The following EYS variants were observed in gnomAD, a reference collection of about 807,000 sequenced individuals.
EYS encodes protein eyes shut homolog.
In EYS, 250 loss-of-function variants were observed where a neutral mutation model predicts 282.1. The observed-to-expected ratio is 0.89, with a 90% confidence interval of 0.80 to 0.98. The LOEUF (loss-of-function observed/expected upper bound fraction) is 0.98. EYS is among the 50% of genes least tolerant of loss of function. EYS has a pLI of 0.00. For synonymous variants in EYS, 1,355 were observed against 1,282.9 expected, an observed-to-expected ratio of 1.06 and a Z score of -1.20; for missense variants, 4,016 against 3,709.0, an observed-to-expected ratio of 1.08 and a Z score of -2.15.
chr6:65,070,379 C>T (rs193232364), intron 12 of EYS, among the ~76,000 whole-genome samples: 6 of 151,988 alleles, frequency 3.9e-5, no homozygotes, highest in Non-Finnish European at 5.9e-5. Context: ...CCTTGTTAGG[C>T]CTCTACCTTA....
chr6:64,210,726 C>A (rs1196033816), intron 31 of EYS, among the ~76,000 whole-genome samples: 1 of 151,992 alleles, frequency 6.6e-6, no homozygotes, highest in African/African-American at 2.4e-5. Flanking sequence ...ACCTAGAGAG[C>A]TGGTAAAGTG....
intron 35 of EYS, among the ~76,000 whole-genome samples, chr6:63,937,917 T>A (rs868082955): frequency 2.8e-4 from 42 of 152,370 alleles, no homozygotes; most frequent in Middle Eastern, 3.4e-3. Context: ...GACACCACTT[T>A]CTGAATTTAA....
chr6:63,904,332 T>C (rs1356018399), intron 35 of EYS, among the ~76,000 whole-genome samples: 2 of 151,586 alleles, frequency 1.3e-5, no homozygotes, highest in African/African-American at 4.8e-5. Flanking sequence ...TTACCCAACC[T>C]TTTTTTTTCT....
chr6:65,208,576 A>G (rs1422927589), intron 12 of EYS, among the ~76,000 whole-genome samples: 1 of 151,946 alleles, frequency 6.6e-6, no homozygotes, highest in Non-Finnish European at 1.5e-5. Flanking sequence ...GGTTGATTGG[A>G]TAAAGAAAAT....
chr6:64,049,794 C>T (rs1196686099), intron 33 of EYS, among the ~76,000 whole-genome samples: 1 of 152,132 alleles, frequency 6.6e-6, no homozygotes, highest in Non-Finnish European at 1.5e-5. Context: ...ATTGCAGAAA[C>T]AACAGATGGA....
intron 33 of EYS, among the ~76,000 whole-genome samples, chr6:64,007,719 G>A (rs1164138490): frequency 6.6e-6 from 1 of 152,042 alleles, no homozygotes; most frequent in African/African-American, 2.4e-5. Context: ...AGAATTTATT[G>A]ATTTCTGCCT....
chr6:64,440,695 T>C (rs944117036), intron 26 of EYS, among the ~76,000 whole-genome samples: 1 of 152,148 alleles, frequency 6.6e-6, no homozygotes, highest in Non-Finnish European at 1.5e-5. Context: ...ATTTCAGGCA[T>C]TTATTTTAAC....
intron 5 of EYS, among the ~76,000 whole-genome samples, chr6:65,455,547 A>G (rs749965082): frequency 6.6e-6 from 1 of 152,158 alleles, no homozygotes; most frequent in African/African-American, 2.4e-5. Flanking sequence ...TCAAATAAGT[A>G]AAATCAGGTG....
intron 41 of EYS, among the ~76,000 whole-genome samples, chr6:63,759,651 G>T (rs1308530724): frequency 2.0e-5 from 3 of 152,066 alleles, no homozygotes; most frequent in Non-Finnish European, 4.4e-5. Flanking sequence ...ATCACAGTGG[G>T]ATTGAAAGTA....
intron 29 of EYS, among the ~76,000 whole-genome samples, chr6:64,326,072 T>C (rs760917330): frequency 2.0e-4 from 30 of 152,162 alleles, no homozygotes; most frequent in Non-Finnish European, 3.8e-4. Flanking sequence ...GGGAAATTCA[T>C]CATAAAAAGC....
At chr6:64,807,587 T>G (rs557243393) in intron 22 of EYS, among the ~76,000 whole-genome samples, 25 of 152,288 alleles carry the variant, frequency 1.6e-4, no homozygotes, top group Admixed American at 2.6e-4. Flanking sequence ...TCATGTAACT[T>G]TTCTCTACTT....
intron 12 of EYS, among the ~76,000 whole-genome samples, chr6:65,223,782 C>T (rs758802169): frequency 3.7e-4 from 57 of 152,108 alleles, no homozygotes; most frequent in Non-Finnish European, 2.2e-4. Flanking sequence ...AAAGAAGAGA[C>T]TGGGGAAGGA....
At chr6:64,266,818 G>A (rs1056179001) in intron 30 of EYS, among the ~76,000 whole-genome samples, 2 of 152,146 alleles carry the variant, frequency 1.3e-5, no homozygotes, top group African/African-American at 4.8e-5. Context: ...TGTTTGGTAA[G>A]ACTCCACCAA....
chr6:64,213,062 G>T lies in EYS; in HGVS notation c.6424+17530C>A, dbSNP rs540090654. Among the ~76,000 whole-genome samples, 19 of 152,144 alleles carry T rather than the reference G, an allele frequency of 1.2e-4. No individual in the cohort carries two copies. The East Asian group carries it at 2.9e-3, about 23-fold the overall frequency. On this transcript the variant is annotated intron_variant, in intron 31 of 42. Transcript: ENST00000503581. ...CTTATAAGTGGGGATACATAGAGGG[G>T]AAAAACACACACTGGGGCCTATTGG...
chr6:64,936,679 C>T (rs1047236314), intron 15 of EYS, among the ~76,000 whole-genome samples: 1 of 151,192 alleles, frequency 6.6e-6, no homozygotes, highest in Non-Finnish European at 1.5e-5. Flanking sequence ...TTTCTAATAA[C>T]ATAAAAAGAT....
chr6:64,271,829 CTTATT>C (rs1767949118), intron 30 of EYS, among the ~76,000 whole-genome samples: 1 of 151,570 alleles, frequency 6.6e-6, no homozygotes. Context: ...ATTCCCTATT[CTTATT>C]TTATTTTATT....
chr6:65,238,858 A>G (rs1766989569), intron 12 of EYS, among the ~76,000 whole-genome samples: 1 of 129,390 alleles, frequency 7.7e-6, no homozygotes, highest in African/African-American at 3.6e-5. Flanking sequence ...AAATTTTGGT[A>G]ACATAACTGA....
chr6:64,604,540 A>G (rs1194959344), intron 24 of EYS, among the ~76,000 whole-genome samples: 1 of 152,034 alleles, frequency 6.6e-6, no homozygotes, highest in African/African-American at 2.4e-5. Flanking sequence ...ATAAACATGA[A>G]ATAGTCACTT....
chr6:63,873,488 C>T (rs779367006), intron 35 of EYS, among the ~76,000 whole-genome samples: 5 of 152,114 alleles, frequency 3.3e-5, no homozygotes, highest in Admixed American at 1.3e-4. Context: ...TTTATAGTAG[C>T]GTGATTTATA....
Sources: allele counts gnomAD v4.1 joint callset (sites outside exome capture counted in the v4.1 genomes callset), GRCh38; gene constraint gnomAD v4.1.1; transcripts MANE v1.5; gene names NCBI Gene and HGNC (gene_info 2026-07-23, HGNC 2026-07-21).